Variants in SHC3 observed in about 807,000 individuals in gnomAD.
The protein encoded by SHC3 is SHC adaptor protein 3.
In SHC3, 15 loss-of-function variants were observed where a neutral mutation model predicts 60.4. The ratio of observed to expected loss-of-function variants is 0.25; its 90% CI spans 0.17 to 0.38. SHC3 has a LOEUF of 0.38. Among genes scored for constraint, SHC3 ranks in the 10% least tolerant of loss-of-function variants. SHC3 has a pLI of 1.00. For synonymous variants in SHC3, 294 were observed against 325.9 expected, an observed-to-expected ratio of 0.90 and a Z score of 1.05; for missense variants, 677 against 786.1, an observed-to-expected ratio of 0.86 and a Z score of 1.66.
intron 11 of SHC3, among the ~76,000 whole-genome samples, chr9:89,027,362 C>T (rs1341197764): frequency 7.5e-6 from 1 of 133,344 alleles, no homozygotes; most frequent in Non-Finnish European, 1.5e-5. Context: ...CGCTGTCGCC[C>T]AGGCTGGAGT....
chr9:89,098,013 A>G (rs998877996), intron 2 of SHC3, among the ~76,000 whole-genome samples: 15 of 152,218 alleles, frequency 9.9e-5, no homozygotes, highest in African/African-American at 3.6e-4. Context: ...GGCATCATCA[A>G]TATTGGGCCA....
At chr9:89,086,898 G>T (rs762189198) in intron 2 of SHC3, among the ~76,000 whole-genome samples, 2 of 152,160 alleles carry the variant, frequency 1.3e-5, no homozygotes, top group African/African-American at 4.8e-5. Flanking sequence ...TTATCTTTCA[G>T]TCGTTGGGGG....
intron 11 of SHC3, among the ~76,000 whole-genome samples, chr9:89,021,948 T>C (rs1264041510): frequency 1.3e-5 from 2 of 152,154 alleles, no homozygotes; most frequent in Non-Finnish European, 2.9e-5. Context: ...GGGTGGTCTT[T>C]CCCACTCAGA....
intron 4 of SHC3, among the ~76,000 whole-genome samples, chr9:89,074,732 T>C (rs1048111682): frequency 2.2e-5 from 3 of 138,374 alleles, no homozygotes; most frequent in Non-Finnish European, 4.6e-5. Context: ...AATTAGACCA[T>C]GACATGCCGT....
intron 2 of SHC3, among the ~76,000 whole-genome samples, chr9:89,092,441 C>A (rs558766233): frequency 2.7e-4 from 41 of 151,972 alleles, no homozygotes; most frequent in African/African-American, 9.9e-4. Context: ...CACGGTGAAA[C>A]CCCATCTCTA....
chr9:89,151,106 C>A (rs1315205916), intron 1 of SHC3, among the ~76,000 whole-genome samples: 1 of 151,960 alleles, frequency 6.6e-6, no homozygotes, highest in South Asian at 2.1e-4. Flanking sequence ...GCAGCCTCAA[C>A]CTCTTGGGAC....
chr9:89,154,366 C>G (rs1252824914), intron 1 of SHC3, among the ~76,000 whole-genome samples: 1 of 152,130 alleles, frequency 6.6e-6, no homozygotes, highest in Non-Finnish European at 1.5e-5. Flanking sequence ...GTCCCAGTAC[C>G]CGCTGTTAAG....
chr9:89,067,847 G>C (rs564860138), intron 5 of SHC3, among the ~76,000 whole-genome samples: 1 of 152,124 alleles, frequency 6.6e-6, no homozygotes, highest in Non-Finnish European at 1.5e-5. Context: ...TTAAGTAGGG[G>C]GAGAGTTAAA....
At chr9:89,043,473 G>A (rs1824721085) in intron 9 of SHC3, among the ~76,000 whole-genome samples, 1 of 152,098 alleles carries the variant, frequency 6.6e-6, no homozygotes, top group African/African-American at 2.4e-5. Flanking sequence ...AAGATCAAGA[G>A]CCCAAATGCA....
chr9:89,040,774 A>G (rs1564093472), intron 10 of SHC3, among the ~76,000 whole-genome samples: 1 of 152,252 alleles, frequency 6.6e-6, no homozygotes, highest in East Asian at 1.9e-4. Context: ...TTCAAGCATT[A>G]AGATTCTACA....
intron 1 of SHC3, among the ~76,000 whole-genome samples, chr9:89,131,936 G>A (rs1021342445): frequency 2.0e-5 from 3 of 152,108 alleles, no homozygotes; most frequent in Non-Finnish European, 2.9e-5. Context: ...AAGAAATAAA[G>A]GGTATTCAAA....
At chr9:89,173,446 C>T (rs561616580) in intron 1 of SHC3, among the ~76,000 whole-genome samples, 5 of 152,336 alleles carry the variant, frequency 3.3e-5, no homozygotes, top group Non-Finnish European at 7.3e-5. Context: ...AGACACCGTG[C>T]GGAGGCAGAG....
At chr9:89,019,407 AG>A (rs1401780702) in intron 11 of SHC3, among the ~76,000 whole-genome samples, 2 of 152,180 alleles carry the variant, frequency 1.3e-5, no homozygotes, top group African/African-American at 4.8e-5. Flanking sequence ...AGTGTCCAAA[AG>A]TAAGACAGTA....
At chr9:89,039,289 A>G (rs1423330542) in intron 10 of SHC3, among the ~76,000 whole-genome samples, 3 of 152,234 alleles carry the variant, frequency 2.0e-5, no homozygotes, top group Admixed American at 6.5e-5. Context: ...CAGATGCTGT[A>G]AAATAAGCCA....
intron 5 of SHC3, among the ~76,000 whole-genome samples, chr9:89,068,157 T>G (rs1325534472): frequency 1.3e-5 from 2 of 152,208 alleles, no homozygotes; most frequent in African/African-American, 4.8e-5. Context: ...AAGACAGAGC[T>G]GAGAAGTGCT....
intron 1 of SHC3, among the ~76,000 whole-genome samples, chr9:89,140,344 C>CA (rs1554700304): frequency 2.0e-5 from 3 of 151,796 alleles, no homozygotes; most frequent in East Asian, 1.9e-4. Flanking sequence ...TTCCCCCCCC[C>CA]AGATTAAGGG....
chr9:89,177,849 T>A (rs1474319275), intron 1 of SHC3, 138 bp downstream of exon 1: 35 of 1,101,888 alleles, frequency 3.2e-5, no homozygotes, highest in Non-Finnish European at 3.8e-5. Flanking sequence ...AGCTGATTGC[T>A]AAGGAGTGCG....
At chr9:89,048,241 TAAAA>T (rs34217569) in intron 7 of SHC3, among the ~76,000 whole-genome samples, 1 of 133,952 alleles carries the variant, frequency 7.5e-6, no homozygotes, top group Non-Finnish European at 1.6e-5. Flanking sequence ...AAGACTCCAT[TAAAA>T]AAAAAAAAAA....
intron 1 of SHC3, among the ~76,000 whole-genome samples, chr9:89,116,435 C>T (rs573899923): frequency 2.3e-4 from 35 of 152,260 alleles, no homozygotes; most frequent in African/African-American, 8.2e-4. Flanking sequence ...ACAACCACCA[C>T]CACCACCACA....
Sources: allele counts gnomAD v4.1 joint callset (sites outside exome capture counted in the v4.1 genomes callset), GRCh38; gene constraint gnomAD v4.1.1; transcripts MANE v1.5; gene names NCBI Gene and HGNC (gene_info 2026-07-23, HGNC 2026-07-21).